Variants in DTWD2 observed in about 807,000 individuals in gnomAD.
DTWD2 encodes the protein DTW motif tRNA-uridine aminocarboxypropyltransferase 2, also known as tRNA-uridine aminocarboxypropyltransferase 2.
Under a neutral mutation model 31.8 loss-of-function variants are expected in DTWD2, and 39 were observed. The observed-to-expected ratio is 1.22, with a 90% CI of 0.95 to 1.60. The LOEUF is 1.60. DTWD2 is among the 40% of genes most tolerant of loss of function. DTWD2 has a pLI of 0.00. For missense variants in DTWD2, 515 were observed against 381.5 expected (o/e 1.35, Z -2.92); for synonymous variants, 180 against 142.8 (o/e 1.26, Z -1.86).
intron 4 of DTWD2, among the ~76,000 whole-genome samples, chr5:118,899,871 G>A (rs1470570286): frequency 8.3e-5 from 12 of 144,958 alleles, no homozygotes; most frequent in East Asian, 4.1e-4. Context: ...GCACGATCTC[G>A]GCTCACTGCA....
chr5:118,942,724 A>C (rs1037798523), intron 2 of DTWD2, among the ~76,000 whole-genome samples: 28 of 152,148 alleles, frequency 1.8e-4, no homozygotes, highest in Admixed American at 1.6e-3. Context: ...TTATATCTGG[A>C]ACCACACAAT....
chr5:118,964,655 T>G (rs898658569), intron 1 of DTWD2, among the ~76,000 whole-genome samples: 6 of 152,268 alleles, frequency 3.9e-5, no homozygotes, highest in African/African-American at 1.4e-4. Context: ...TTGGCCGGGC[T>G]GGTCTCCAGC....
chr5:118,980,848 A>G (rs1339848992), intron 1 of DTWD2, among the ~76,000 whole-genome samples: 1 of 152,242 alleles, frequency 6.6e-6, no homozygotes, highest in Non-Finnish European at 1.5e-5. Flanking sequence ...CCTAAAATAT[A>G]TATTTAAAAC....
rs562444321 is a variant in DTWD2, at chr5:118,879,589, G to A, written c.598-31371C>T. Among the ~76,000 whole-genome samples the A allele has an allele frequency of 3.3e-4, 44 of 133,752 alleles. 1 individual carries two copies. The highest frequency in any genetic ancestry group is 1.0e-3 in the African/African-American group (36 of 35,058). The allele number at this position is 133,752 out of a possible 152,430, so 87.7% of individuals were successfully genotyped here. ...CGCACCACTACACTCCAGCCTGGGC[G>A]ACAGAGCGAGACTACAGCTCAAAAA... is the stretch of plus-strand genomic sequence containing the variant. On this transcript the variant is annotated intron_variant, in intron 4 of 5. Coordinates refer to ENST00000510708, the MANE Select transcript of DTWD2 (RefSeq NM_173666.4).
At chr5:118,889,657 A>G (rs1015086988) in intron 4 of DTWD2, among the ~76,000 whole-genome samples, 2 of 152,126 alleles carry the variant, frequency 1.3e-5, no homozygotes, top group Non-Finnish European at 2.9e-5. Context: ...AAGGCTCTTC[A>G]CTGTATACTC....
intron 3 of DTWD2, among the ~76,000 whole-genome samples, chr5:118,935,202 G>A (rs1463482057): frequency 6.6e-6 from 1 of 152,210 alleles, no homozygotes; most frequent in East Asian, 1.9e-4. Flanking sequence ...TGGAAGCTCT[G>A]CAGCCCTTTC....
chr5:118,965,549 C>T (rs1452672881), intron 1 of DTWD2, among the ~76,000 whole-genome samples: 2 of 152,212 alleles, frequency 1.3e-5, no homozygotes, highest in East Asian at 3.8e-4. Flanking sequence ...AAGAAGTAGA[C>T]ATAGGAGACT....
At chr5:118,976,798 A>G (rs938712765) in intron 1 of DTWD2, among the ~76,000 whole-genome samples, 57 of 152,198 alleles carry the variant, frequency 3.7e-4, no homozygotes, top group Non-Finnish European at 1.0e-4. Flanking sequence ...ACTATTTCAA[A>G]TAATAGAAAA....
chr5:118,889,049 C>T (rs1245117465), intron 4 of DTWD2, among the ~76,000 whole-genome samples: 15 of 152,138 alleles, frequency 9.9e-5, no homozygotes. Context: ...TTTGTCTTTT[C>T]ATTCTCTTAA....
At chr5:118,976,378 C>CA (rs1755160152) in intron 1 of DTWD2, among the ~76,000 whole-genome samples, 1 of 151,938 alleles carries the variant, frequency 6.6e-6, no homozygotes, top group Non-Finnish European at 1.5e-5. Flanking sequence ...AAAAACCCTT[C>CA]AAAAAAATCT....
At chr5:118,841,531 A>C (rs956851483) in intron 5 of DTWD2, among the ~76,000 whole-genome samples, 1 of 152,198 alleles carries the variant, frequency 6.6e-6, no homozygotes, top group Non-Finnish European at 1.5e-5. Context: ...GATGGCAGCA[A>C]TGGGTAAACG....
At position 118,840,737 on chromosome 5, in the gene DTWD2, C is replaced by T. The variant is rs138657424; in HGVS notation, c.*180G>A. The T allele has an allele frequency of 8.9e-6, 5 of 559,394 alleles. No individual in the cohort carries two copies. The highest frequency in any genetic ancestry group is 4.3e-5 in the Admixed American group (1 of 23,020). 34.7% of individuals were successfully genotyped at this position (559,394 alleles called of 1,614,324 possible). On this transcript the variant is annotated 3_prime_UTR_variant, in exon 6 of 6. Coordinates refer to ENST00000510708, the MANE Select transcript of DTWD2 (RefSeq NM_173666.4). Reference sequence around the variant, plus strand: ...TAGGAAATCCTGCTTTTCAGTGAGCCAGTGAATTTCTGTTTATTTGTATTT... The same window carrying T: ...TAGGAAATCCTGCTTTTCAGTGAGCTAGTGAATTTCTGTTTATTTGTATTT...
chr5:118,848,516 A>T (rs1304192230), intron 4 of DTWD2, among the ~76,000 whole-genome samples: 1 of 152,220 alleles, frequency 6.6e-6, no homozygotes, highest in African/African-American at 2.4e-5. Context: ...GCAAATAGGT[A>T]CACAAAAAAG....
chr5:118,861,014 A>AT (rs904417524), intron 4 of DTWD2, among the ~76,000 whole-genome samples: 2 of 152,176 alleles, frequency 1.3e-5, no homozygotes, highest in African/African-American at 4.8e-5. Flanking sequence ...ATGAGAATTC[A>AT]TTTGTATGCA....
intron 4 of DTWD2, among the ~76,000 whole-genome samples, chr5:118,887,325 C>T (rs1405018129): frequency 2.0e-5 from 3 of 152,118 alleles, no homozygotes; most frequent in Non-Finnish European, 4.4e-5. Flanking sequence ...ATTCCCAGCT[C>T]AACTGACATT....
At chr5:118,979,852 G>C (rs146837789) in intron 1 of DTWD2, among the ~76,000 whole-genome samples, 1 of 152,340 alleles carries the variant, frequency 6.6e-6, no homozygotes, top group African/African-American at 2.4e-5. Flanking sequence ...CTGTCAGGAG[G>C]GCAGGGGGTG....
chr5:118,983,127 A>G (rs1178451768), intron 1 of DTWD2, among the ~76,000 whole-genome samples: 1 of 152,314 alleles, frequency 6.6e-6, no homozygotes, highest in Non-Finnish European at 1.5e-5. Context: ...TCAGACAACC[A>G]CAATGATGTA....
intron 1 of DTWD2, among the ~76,000 whole-genome samples, chr5:118,955,467 G>A (rs1754564677): frequency 1.3e-5 from 2 of 151,868 alleles, no homozygotes; most frequent in South Asian, 2.1e-4. Context: ...CTCTCTAGAA[G>A]GTTTAAATAT....
rs1753889046 is a variant in DTWD2, at chr5:118,930,058, C to T, written c.405-1329G>A. On this transcript the variant is annotated intron_variant, in intron 3 of 5. Coordinates refer to ENST00000510708, the MANE Select transcript of DTWD2 (RefSeq NM_173666.4). ...CTCAAGATGACATAAAAGCATCAAC[C>T]ATCTGGCCATTTCTCTGAGTTCTTA... Among the ~76,000 whole-genome samples the T allele has an allele frequency of 3.3e-5, 5 of 152,290 alleles. No individual in the cohort carries two copies. In the South Asian group the frequency reaches 1.0e-3, roughly 32 times the overall value.
Sources: gnomAD v4.1 joint callset for allele counts (sites outside exome capture counted in the v4.1 genomes callset) on GRCh38, gnomAD v4.1.1 for gene constraint, MANE v1.5 for transcripts, NCBI Gene and HGNC (gene_info 2026-07-23, HGNC 2026-07-21) for gene names.